The following CDH2 variants were observed in gnomAD, a reference collection of about 807,000 sequenced individuals.
CDH2 encodes the protein cadherin-2.
CDH2 carries 17 observed loss-of-function variants against 92.0 expected under a neutral mutation model. That is an observed-to-expected ratio of 0.18 (90% CI 0.13 to 0.28). CDH2 has a LOEUF of 0.28. CDH2 is among the 10% of genes least tolerant of loss of function. The probability of loss-of-function intolerance (pLI) is 1.00; values close to 1 mark genes in which losing one functional copy is unlikely to be tolerated. For missense variants in CDH2, 862 were observed against 1,133.1 expected (o/e 0.76, Z 3.44); for synonymous variants, 419 against 415.9 (o/e 1.01, Z -0.09).
At chr18:28,004,847 C>T (rs2144015183) in intron 6 of CDH2, among the ~76,000 whole-genome samples, 1 of 152,212 alleles carries the variant, frequency 6.6e-6, no homozygotes, top group South Asian at 2.1e-4. Flanking sequence ...CCCACCCTAC[C>T]CCTACATCTT....
At chr18:27,952,454 A>C in intron 15 of CDH2, 95 bp from the exon 16 acceptor site, 1 of 912,946 alleles carries the variant, frequency 1.1e-6, no homozygotes, top group South Asian at 1.5e-5. Context: ...GGATCAAACA[A>C]ACACTTGTTT....
chr18:28,010,931 C>A (rs946716850), intron 4 of CDH2, among the ~76,000 whole-genome samples: 2 of 148,614 alleles, frequency 1.3e-5, no homozygotes, highest in African/African-American at 2.5e-5. Context: ...ATTACAGGTG[C>A]CCTGCCTGTT....
intron 2 of CDH2, among the ~76,000 whole-genome samples, chr18:28,098,050 A>C (rs2015165907): frequency 6.6e-6 from 1 of 152,178 alleles, no homozygotes; most frequent in African/African-American, 2.4e-5. Context: ...ATAATCATAG[A>C]TCTGATAAAG....
intron 14 of CDH2, among the ~76,000 whole-genome samples, chr18:27,978,826 A>ATT (rs138815821): frequency 8.8e-5 from 13 of 147,088 alleles, no homozygotes; most frequent in African/African-American, 3.2e-4. Context: ...TTAATTAACA[A>ATT]TTTTTTTTTT....
chr18:28,101,461 T>C (rs1045775702), intron 2 of CDH2, among the ~76,000 whole-genome samples: 4 of 152,148 alleles, frequency 2.6e-5, no homozygotes, highest in African/African-American at 9.7e-5. Context: ...GCACCTGTAT[T>C]CATTTATTTA....
At chr18:28,072,757 A>G (rs1357841951) in intron 2 of CDH2, among the ~76,000 whole-genome samples, 1 of 152,212 alleles carries the variant, frequency 6.6e-6, no homozygotes, top group Non-Finnish European at 1.5e-5. Context: ...CAACAAAATA[A>G]CCTTAGTTGT....
chr18:28,046,277 A>G (rs1223364785), intron 2 of CDH2, among the ~76,000 whole-genome samples: 1 of 152,202 alleles, frequency 6.6e-6, no homozygotes, highest in African/African-American at 2.4e-5. Flanking sequence ...AGGCACTTCA[A>G]TACATTTACA....
At chr18:28,148,458 C>G (rs975555025) in intron 1 of CDH2, among the ~76,000 whole-genome samples, 4 of 152,288 alleles carry the variant, frequency 2.6e-5, no homozygotes, top group East Asian at 1.9e-4. Context: ...AGTTAATTTA[C>G]TCAGTGTGCT....
At chr18:28,065,815 G>A (rs1161640105) in intron 2 of CDH2, among the ~76,000 whole-genome samples, 1 of 152,104 alleles carries the variant, frequency 6.6e-6, no homozygotes, top group East Asian at 1.9e-4. Flanking sequence ...TAGTCCCTTA[G>A]GTATGAGGTG....
At chr18:28,174,909 A>C (rs891497305) in intron 1 of CDH2, among the ~76,000 whole-genome samples, 1 of 152,234 alleles carries the variant, frequency 6.6e-6, no homozygotes, top group Non-Finnish European at 1.5e-5. Context: ...AATGCTGTCC[A>C]AAAATTAGTG....
chr18:27,966,196 T>C (rs1163074979), intron 14 of CDH2, among the ~76,000 whole-genome samples: 2 of 152,080 alleles, frequency 1.3e-5, no homozygotes, highest in Non-Finnish European at 2.9e-5. Flanking sequence ...GGCAAGTATA[T>C]TGATGACAGT....
At chr18:28,086,348 T>C (rs1417624003) in intron 2 of CDH2, among the ~76,000 whole-genome samples, 1 of 152,146 alleles carries the variant, frequency 6.6e-6, no homozygotes, top group African/African-American at 2.4e-5. Context: ...CCTCTACTAC[T>C]GTATAGTTCC....
intron 2 of CDH2, among the ~76,000 whole-genome samples, chr18:28,062,220 T>C (rs1467884563): frequency 6.6e-6 from 1 of 152,234 alleles, no homozygotes; most frequent in South Asian, 2.1e-4. Context: ...GCCATTTATC[T>C]CTTTTTAAAA....
At chr18:28,107,813 T>C (rs1180571989) in intron 2 of CDH2, among the ~76,000 whole-genome samples, 3 of 152,130 alleles carry the variant, frequency 2.0e-5, no homozygotes, top group Admixed American at 2.0e-4. Context: ...AGGTGAAGAC[T>C]ACCAATTATC....
At chr18:28,069,699 A>T (rs909541758) in intron 2 of CDH2, among the ~76,000 whole-genome samples, 8 of 152,168 alleles carry the variant, frequency 5.3e-5, no homozygotes, top group Non-Finnish European at 1.2e-4. Context: ...TGAGAGAATT[A>T]GCTGCCCCAC....
Position 28,011,949 on chromosome 18 carries a change from C to A in CDH2, c.443G>T (p.Ser148Ile). The A allele has an allele frequency of 1.2e-6, 2 of 1,613,872 alleles. No individual in the cohort carries two copies. The highest frequency in any genetic ancestry group is 2.2e-5 in the South Asian group (2 of 91,076). The stretch of plus-strand genomic sequence containing the variant: ...CCTTTGTAGGTGGCCACTGTGCTTA[C>A]TGAATTGTCTTGGGAACACTATTTC... Reference protein sequence around the residue: ...VEEIVFPRQFSKHSGHLQRQK... With the variant: ...VEEIVFPRQFIKHSGHLQRQK... The change falls in exon 4 of 16, where the codon AGT (serine) becomes ATT (isoleucine). Residue 148 changes from serine to isoleucine, a missense_variant. Ser to Ile is a moderately radical substitution (Grantham distance 142). Transcript: ENST00000269141.
intron 2 of CDH2, among the ~76,000 whole-genome samples, chr18:28,021,874 T>C (rs1230005623): frequency 1.3e-5 from 2 of 152,052 alleles, no homozygotes; most frequent in African/African-American, 2.4e-5. Flanking sequence ...CTTTGACTTT[T>C]TATTTTTTTC....
At chr18:27,984,034 T>C (rs1297189336) in intron 13 of CDH2, among the ~76,000 whole-genome samples, 3 of 152,230 alleles carry the variant, frequency 2.0e-5, no homozygotes, top group African/African-American at 7.2e-5. Context: ...TCATTTGCTA[T>C]TGTTCCAGGG....
chr18:28,043,463 T>TATATATATATATATATATATATATAA (rs2013992506), intron 2 of CDH2, among the ~76,000 whole-genome samples: 1 of 30,228 alleles, frequency 3.3e-5, no homozygotes, highest in African/African-American at 1.3e-4. Flanking sequence ...TATAAATAAA[T>TATATATATATATATATATATATATAA]ATATATATAT....
Sources: gnomAD v4.1 joint callset for allele counts (sites outside exome capture counted in the v4.1 genomes callset) on GRCh38, gnomAD v4.1.1 for gene constraint, MANE v1.5 for transcripts, NCBI Gene and HGNC (gene_info 2026-07-23, HGNC 2026-07-21) for gene names.